ADGRB3: variants seen among roughly 807,000 people sequenced by gnomAD.
ADGRB3 encodes the protein brain-specific angiogenesis inhibitor 3.
ADGRB3 carries 37 observed loss-of-function variants against 193.4 expected under a neutral mutation model. That is an observed-to-expected ratio of 0.19 (90% confidence interval 0.15 to 0.25). ADGRB3 has a LOEUF of 0.25. Ranked by LOEUF, ADGRB3 falls within the 10% of genes least tolerant of loss-of-function variation. The pLI, the probability that ADGRB3 is intolerant of heterozygous loss-of-function variation, is 1.00. For missense variants in ADGRB3, 1,637 were observed against 1,852.9 expected, an observed-to-expected ratio of 0.88 and a Z score of 2.14; for synonymous variants, 690 against 644.2, an observed-to-expected ratio of 1.07 and a Z score of -1.08.
chr6:68,851,902 T>C (rs929478326), intron 3 of ADGRB3, among the ~76,000 whole-genome samples: 6 of 152,008 alleles, frequency 3.9e-5, no homozygotes, highest in African/African-American at 1.4e-4. Flanking sequence ...GACGGTGATA[T>C]TTCTGATATT....
chr6:68,771,353 T>TA, intron 3 of ADGRB3, among the ~76,000 whole-genome samples: 1 of 151,590 alleles, frequency 6.6e-6, no homozygotes, highest in Non-Finnish European at 1.5e-5. Context: ...TATAAAGTGT[T>TA]ACAGACCATG....
At chr6:69,091,511 C>G (rs971421897) in intron 17 of ADGRB3, among the ~76,000 whole-genome samples, 1 of 152,114 alleles carries the variant, frequency 6.6e-6, no homozygotes, top group Non-Finnish European at 1.5e-5. Flanking sequence ...GAGCTGGAGG[C>G]CATTATCCTG....
chr6:69,075,179 A>T (rs1772192237), intron 16 of ADGRB3, among the ~76,000 whole-genome samples: 1 of 152,180 alleles, frequency 6.6e-6, no homozygotes, highest in Non-Finnish European at 1.5e-5. Flanking sequence ...CCCTAAATAC[A>T]CTTTAAAAGT....
chr6:68,999,430 A>G (rs922456409), intron 11 of ADGRB3, among the ~76,000 whole-genome samples: 5 of 151,784 alleles, frequency 3.3e-5, no homozygotes, highest in Non-Finnish European at 7.4e-5. Flanking sequence ...ACGCCCCGCT[A>G]ATTTTTTGTA....
At chr6:68,895,783 T>C (rs1312157848) in intron 3 of ADGRB3, among the ~76,000 whole-genome samples, 1 of 151,998 alleles carries the variant, frequency 6.6e-6, no homozygotes, top group Non-Finnish European at 1.5e-5. Context: ...ACATAGTGTT[T>C]TTTTTTCCTC....
intron 8 of ADGRB3, among the ~76,000 whole-genome samples, chr6:68,965,507 G>A (rs1333114262): frequency 6.6e-6 from 1 of 151,938 alleles, no homozygotes; most frequent in African/African-American, 2.4e-5. Flanking sequence ...TTTTAATGCT[G>A]AAATTCTAGC....
chr6:69,274,003 TGGTA>T (rs1309923614), intron 20 of ADGRB3, among the ~76,000 whole-genome samples: 1 of 152,090 alleles, frequency 6.6e-6, no homozygotes, highest in Non-Finnish European at 1.5e-5. Flanking sequence ...GGGAGTGTGG[TGGTA>T]GTGGATGTCT....
chr6:69,297,392 ATCTC>A lies in ADGRB3; in HGVS notation c.2815-27464_2815-27461del, dbSNP rs375206329. 1.1e-4 allele frequency among the ~76,000 whole-genome samples: 12 copies of A among 113,296 alleles called. No homozygotes were observed. In the East Asian group the frequency reaches 1.4e-3, roughly 14 times the overall value. The allele number at this position is 113,296 out of a possible 152,430, so 74.3% of individuals were successfully genotyped here. A position where few individuals can be genotyped will look rare whatever the true frequency, so the allele number is the denominator to read the frequency against. On this transcript the variant is annotated intron_variant, in intron 20 of 31. Coordinates refer to ENST00000370598, the MANE Select transcript of ADGRB3 (RefSeq NM_001704.3). ...TTTCTCTCTCTCTCTCTCTCTCTCT[ATCTC>A]TCTCTCTCTCTCTCTATATATATAT...
intron 3 of ADGRB3, among the ~76,000 whole-genome samples, chr6:68,723,664 A>G (rs1765623839): frequency 6.6e-6 from 1 of 151,730 alleles, no homozygotes; most frequent in Non-Finnish European, 1.5e-5. Flanking sequence ...TATTTGTAGA[A>G]TTGCTGAGAT....
At position 69,018,264 on chromosome 6, in the gene ADGRB3, A is replaced by C. The variant is rs139424518; in HGVS notation, c.1999-127A>C. 92 of 542,728 alleles carry C rather than the reference A, an allele frequency of 1.7e-4. 1 individual carries two copies. The highest frequency in any genetic ancestry group is 1.6e-3 in the African/African-American group (82 of 52,560). The allele number at this position is 542,728 out of a possible 1,614,324, so 33.6% of individuals were successfully genotyped here. A position where few individuals can be genotyped will look rare whatever the true frequency, so the allele number is the denominator to read the frequency against. ...TAATTTAAAAAATACAGCTATTGGC[A>C]GCTGTAGATTTTTTTGAAGTGAAAC... is the stretch of plus-strand genomic sequence containing the variant. On this transcript the variant is annotated intron_variant, in intron 12 of 31. Transcript: ENST00000370598.
rs1308093366 is a variant in ADGRB3, at chr6:68,897,695, AAG to A, written c.758-32862_758-32861del. On this transcript the variant is annotated intron_variant, in intron 3 of 31. Transcript: ENST00000370598. Reference sequence around the variant, plus strand: ...GAAGGGAAAAAGAAAGAGAAACAGAAAGAAGAAAGAAGGAAGGGAGGGAGGGA... The same window carrying A: ...GAAGGGAAAAAGAAAGAGAAACAGAAAAGAAAGAAGGAAGGGAGGGAGGGA... Among the ~76,000 whole-genome samples, 12 of 109,252 alleles carry A rather than the reference AAG, an allele frequency of 1.1e-4. 1 individual carries two copies. Among genetic ancestry groups the A allele is most frequent in the Non-Finnish European group, 5.5e-5 (3 of 54,606 alleles). 71.7% of individuals were successfully genotyped at this position (109,252 alleles called of 152,430 possible).
rs557870871 is a variant in ADGRB3 at position 68,768,304 on chromosome 6, C to A, written c.757+128872C>A. 2.0e-4 allele frequency among the ~76,000 whole-genome samples: 30 copies of A among 152,226 alleles called. No individual in the cohort carries two copies. The East Asian group carries it at 5.6e-3, about 28-fold the overall frequency. ...GACTTCAAACTATACTATAAGACAA[C>A]AGTAACCAAAACAGCATGGTACTGT... is the stretch of plus-strand genomic sequence containing the variant. On this transcript the variant is annotated intron_variant, in intron 3 of 31. Transcript: ENST00000370598.
At chr6:68,778,738 T>C (rs1766796848) in intron 3 of ADGRB3, among the ~76,000 whole-genome samples, 1 of 152,088 alleles carries the variant, frequency 6.6e-6, no homozygotes, top group Admixed American at 6.6e-5. Context: ...CAGAACTATA[T>C]ACTTATATAT....
chr6:69,232,538 C>G (rs1766166138), intron 17 of ADGRB3: 1 of 1,535,682 alleles, frequency 6.5e-7, no homozygotes, highest in Non-Finnish European at 8.7e-7. Flanking sequence ...CTTAATGCTT[C>G]TGCCCCAGGG....
intron 4 of ADGRB3, 111 bp from the exon 5 acceptor site, chr6:68,936,408 A>G (rs1368376053): frequency 8.8e-7 from 1 of 1,133,638 alleles, no homozygotes; most frequent in Non-Finnish European, 1.2e-6. Context: ...ATGTATGGTC[A>G]TATTTTTACA....
At chr6:69,060,179 A>G (rs1035328922) in intron 15 of ADGRB3, among the ~76,000 whole-genome samples, 3 of 140,126 alleles carry the variant, frequency 2.1e-5, no homozygotes, top group Non-Finnish European at 4.6e-5. Context: ...ACATACACAC[A>G]TTTTCTTTCT....
intron 3 of ADGRB3, among the ~76,000 whole-genome samples, chr6:68,677,950 A>G (rs1764796495): frequency 6.6e-6 from 1 of 152,076 alleles, no homozygotes; most frequent in African/African-American, 2.4e-5. Flanking sequence ...TTTATTCATG[A>G]ATTTTTTTTT....
chr6:69,171,865 A>T (rs532442657), intron 17 of ADGRB3, among the ~76,000 whole-genome samples: 1 of 152,310 alleles, frequency 6.6e-6, no homozygotes, highest in African/African-American at 2.4e-5. Flanking sequence ...TCAGTAATGC[A>T]GCTTGACGTT....
chr6:68,742,341 C>T lies in ADGRB3; in HGVS notation c.757+102909C>T, dbSNP rs192902623. On this transcript the variant is annotated intron_variant, in intron 3 of 31. Coordinates refer to ENST00000370598, the MANE Select transcript of ADGRB3 (RefSeq NM_001704.3). ...AATGGAAATTTAATCCTTTCTATGA[C>T]AGGTCATACACATTTTAAAGGAACT... Among the ~76,000 whole-genome samples, 122 of 152,112 alleles carry T rather than the reference C, an allele frequency of 8.0e-4. 1 individual carries two copies. The highest frequency in any genetic ancestry group is 2.7e-3 in the African/African-American group (112 of 41,526).
Sources: allele counts gnomAD v4.1 joint callset (sites outside exome capture counted in the v4.1 genomes callset), GRCh38; gene constraint gnomAD v4.1.1; transcripts MANE v1.5; gene names NCBI Gene and HGNC (gene_info 2026-07-23, HGNC 2026-07-21).